TOX: variants seen among roughly 807,000 people sequenced by gnomAD.
TOX encodes thymocyte selection associated high mobility group box.
A neutral mutation model predicts 53.7 loss-of-function variants in TOX; 11 were observed. The observed-to-expected ratio is 0.20, with a 90% CI of 0.13 to 0.34. The LOEUF (loss-of-function observed/expected upper bound fraction) is 0.34, where lower values mean the gene tolerates loss of function less well. Ranked by LOEUF, TOX falls within the 10% of genes least tolerant of loss-of-function variation. TOX has a pLI of 1.00. For missense variants in TOX, 570 were observed against 664.6 expected (o/e 0.86, Z 1.56); for synonymous variants, 225 against 245.3 (o/e 0.92, Z 0.77).
chr8:58,910,533 C>G (rs1170906716), intron 3 of TOX, among the ~76,000 whole-genome samples: 1 of 152,148 alleles, frequency 6.6e-6, no homozygotes, highest in African/African-American at 2.4e-5. Flanking sequence ...CCATGTCTAG[C>G]AGGTGGCTCA....
intron 2 of TOX, among the ~76,000 whole-genome samples, chr8:58,953,554 C>T (rs1812659816): frequency 6.6e-6 from 1 of 152,098 alleles, no homozygotes; most frequent in Admixed American, 6.6e-5. Context: ...TGCAAGGCAA[C>T]AAGAGCAATT....
chr8:58,820,577 T>C (rs141095314), intron 6 of TOX, among the ~76,000 whole-genome samples: 1 of 152,322 alleles, frequency 6.6e-6, no homozygotes, highest in African/African-American at 2.4e-5. Context: ...CAGACAACTC[T>C]TTGTCTTTTG....
intron 1 of TOX, among the ~76,000 whole-genome samples, chr8:59,043,960 C>G (rs1803640859): frequency 6.6e-6 from 1 of 152,150 alleles, no homozygotes; most frequent in East Asian, 1.9e-4. Context: ...CCCAAGAGGT[C>G]CCCTAAACCA....
intron 1 of TOX, among the ~76,000 whole-genome samples, chr8:59,002,425 T>C (rs112134435): frequency 1.3e-5 from 2 of 151,442 alleles, no homozygotes; most frequent in African/African-American, 4.8e-5. Flanking sequence ...ACCCCGTCTC[T>C]ACTAAAAATA....
intron 1 of TOX, among the ~76,000 whole-genome samples, chr8:59,028,712 A>T (rs1814291625): frequency 6.6e-6 from 1 of 152,166 alleles, no homozygotes; most frequent in African/African-American, 2.4e-5. Flanking sequence ...AGACTTTTTG[A>T]AAGAACTTTT....
intron 3 of TOX, among the ~76,000 whole-genome samples, chr8:58,925,833 A>G (rs1812149908): frequency 6.6e-6 from 1 of 152,166 alleles, no homozygotes; most frequent in Non-Finnish European, 1.5e-5. Context: ...CCTTTGTCGT[A>G]CCATTTTTAA....
At chr8:58,826,774 C>A (rs4737522) in intron 6 of TOX, 48 bp downstream of exon 6, 12 of 1,518,030 alleles carry the variant, frequency 7.9e-6, no homozygotes, top group Non-Finnish European at 1.1e-5. Context: ...TCAAAGTCTG[C>A]GCCGAGATGG....
At chr8:59,078,596 C>T (rs568009025) in intron 1 of TOX, among the ~76,000 whole-genome samples, 19 of 152,274 alleles carry the variant, frequency 1.2e-4, no homozygotes, top group Non-Finnish European at 2.2e-4. Flanking sequence ...CCTATATATT[C>T]GTGAACCAAT....
At chr8:58,811,037 A>G (rs777766215) in intron 7 of TOX, among the ~76,000 whole-genome samples, 1 of 152,248 alleles carries the variant, frequency 6.6e-6, no homozygotes, top group Non-Finnish European at 1.5e-5. Flanking sequence ...CTAATATCAA[A>G]ACAAGGACCG....
At chr8:59,092,923 A>G (rs1411822889) in intron 1 of TOX, among the ~76,000 whole-genome samples, 1 of 152,222 alleles carries the variant, frequency 6.6e-6, no homozygotes, top group Admixed American at 6.5e-5. Flanking sequence ...CCACTCTGAC[A>G]TAAACTATTG....
intron 4 of TOX, among the ~76,000 whole-genome samples, chr8:58,847,906 GTGT>G (rs1189381315): frequency 2.0e-5 from 3 of 152,074 alleles, no homozygotes; most frequent in Non-Finnish European, 4.4e-5. Flanking sequence ...CCTAGCAAAT[GTGT>G]TTTTTAAGGT....
intron 6 of TOX, among the ~76,000 whole-genome samples, chr8:58,821,653 AAATTGACTATTCT>A: frequency 6.6e-6 from 1 of 152,136 alleles, no homozygotes; most frequent in Admixed American, 6.5e-5. Context: ...TGAGTCTATG[AAATTGACTATTCT>A]AGATACCTCC....
Position 59,008,100 on chromosome 8 carries a change from C to T in TOX, c.103-48092G>A, listed in dbSNP as rs374437130. The stretch of plus-strand genomic sequence containing the variant: ...TGTAGATTAAAATTATTTTCTTCCA[C>T]TCATCAGTTTCTTTCATCAAATGAA... On this transcript the variant is annotated intron_variant, in intron 1 of 8. Transcript: ENST00000361421. Among the ~76,000 whole-genome samples the T allele has an allele frequency of 7.9e-5, 12 of 152,320 alleles. 1 individual carries two copies. The highest frequency in any genetic ancestry group is 2.4e-4 in the African/African-American group (10 of 41,576).
intron 1 of TOX, among the ~76,000 whole-genome samples, chr8:58,980,019 A>C (rs936873069): frequency 6.6e-6 from 1 of 152,214 alleles, no homozygotes; most frequent in Non-Finnish European, 1.5e-5. Context: ...ATGTTCTAAA[A>C]ATGGATTTGG....
intron 4 of TOX, among the ~76,000 whole-genome samples, chr8:58,842,871 C>T (rs777004082): frequency 5.3e-5 from 8 of 152,214 alleles, no homozygotes; most frequent in East Asian, 1.9e-4. Flanking sequence ...AAGGCTTTAC[C>T]TATTTTCCTG....
chr8:58,949,836 T>C (rs1812590390), intron 2 of TOX, among the ~76,000 whole-genome samples: 1 of 150,654 alleles, frequency 6.6e-6, no homozygotes, highest in Non-Finnish European at 1.5e-5. Flanking sequence ...ATATAAAATA[T>C]ATATATTTTT....
chr8:58,866,945 A>G (rs1349719082), intron 3 of TOX, among the ~76,000 whole-genome samples: 1 of 152,188 alleles, frequency 6.6e-6, no homozygotes, highest in Non-Finnish European at 1.5e-5. Flanking sequence ...CCACAACATG[A>G]CAACTCCAAT....
At chr8:59,084,601 T>C (rs1804475483) in intron 1 of TOX, among the ~76,000 whole-genome samples, 1 of 152,208 alleles carries the variant, frequency 6.6e-6, no homozygotes, top group Non-Finnish European at 1.5e-5. Flanking sequence ...AATAGAATTT[T>C]CCAGAACATA....
chr8:59,030,906 T>A (rs181246318), intron 1 of TOX, among the ~76,000 whole-genome samples: 1 of 152,316 alleles, frequency 6.6e-6, no homozygotes, highest in African/African-American at 2.4e-5. Context: ...GTCAGAAACA[T>A]CATACATCAG....
Sources: gnomAD v4.1 joint callset for allele counts (sites outside exome capture counted in the v4.1 genomes callset) on GRCh38, gnomAD v4.1.1 for gene constraint, MANE v1.5 for transcripts, NCBI Gene and HGNC (gene_info 2026-07-23, HGNC 2026-07-21) for gene names.